Variants in ZNF607 observed in about 807,000 individuals in gnomAD.
The protein encoded by ZNF607 is zinc finger protein 607.
In ZNF607, 5 loss-of-function variants were observed where a neutral mutation model predicts 12.8. The observed-to-expected ratio is 0.39, with a 90% CI of 0.20 to 0.82. The LOEUF is 0.82. Ranked by LOEUF, ZNF607 falls within the 40% of genes least tolerant of loss-of-function variation. The pLI, the probability that ZNF607 is intolerant of heterozygous loss-of-function variation, is 0.39. For synonymous variants in ZNF607, 287 were observed against 276.2 expected, an observed-to-expected ratio of 1.04 and a Z score of -0.39; for missense variants, 851 against 859.2, an observed-to-expected ratio of 0.99 and a Z score of 0.12.
rs1259287245 is a variant in ZNF607 at position 37,699,330 on chromosome 19, G to T, written c.801C>A (p.Gly267=). The T allele has an allele frequency of 1.9e-6, 3 of 1,613,430 alleles. No homozygotes were observed. Among genetic ancestry groups the T allele is most frequent in the Non-Finnish European group, 2.5e-6 (3 of 1,179,920 alleles). ...KCGKSFRLKA[G]LKVHQSIHTG... is the part of the protein sequence containing the mutation. Reference sequence around the variant, plus strand: ...TATGAATACTCTGATGTACTTTAAGGCCTGCTTTGAGCCTAAAGGACTTCC... The same window carrying T: ...TATGAATACTCTGATGTACTTTAAGTCCTGCTTTGAGCCTAAAGGACTTCC... The change falls in exon 5 of 5, where the codon GGC becomes GGA. Residue 267 remains glycine, a synonymous_variant. Transcript: ENST00000355202.
intron 3 of ZNF607, 130 bp downstream of exon 3, chr19:37,709,566 T>C: frequency 9.4e-7 from 1 of 1,058,602 alleles, no homozygotes. Context: ...TGAAACCACC[T>C]CAATAGAAAT....
At chr19:37,711,490 T>G (rs1294608304) in intron 2 of ZNF607, 120 bp downstream of exon 2, 3 of 1,003,026 alleles carry the variant, frequency 3.0e-6, no homozygotes, top group Non-Finnish European at 4.7e-6. Flanking sequence ...GAATGAGAAC[T>G]GGAGATTAGG....
chr19:37,717,362 T>G (rs1327610402), intron 1 of ZNF607, among the ~76,000 whole-genome samples: 1 of 151,972 alleles, frequency 6.6e-6, no homozygotes, highest in Non-Finnish European at 1.5e-5. Context: ...ATTTTTTGTA[T>G]TTTTAGTAGA....
At chr19:37,718,777 C>T (rs944713598) in intron 1 of ZNF607, among the ~76,000 whole-genome samples, 2 of 152,206 alleles carry the variant, frequency 1.3e-5, no homozygotes, top group Non-Finnish European at 2.9e-5. Context: ...TAGTCAGAAT[C>T]TTCCTTAACC....
At chr19:37,714,095 C>T (rs977013434) in intron 1 of ZNF607, among the ~76,000 whole-genome samples, 11 of 151,734 alleles carry the variant, frequency 7.2e-5, no homozygotes, top group East Asian at 5.9e-4. Flanking sequence ...CCGAGGTGGG[C>T]GGATCACGAG....
In ZNF607 at chr19:37,698,199, G is replaced by A. The variant is rs755915094; in HGVS notation, c.1932C>T (p.Pro644=). The A allele has an allele frequency of 2.5e-6, 4 of 1,614,100 alleles. No homozygotes were observed. Among genetic ancestry groups the A allele is most frequent in the Non-Finnish European group, 3.4e-6 (4 of 1,180,026 alleles). ...CTTTCCCACACTCTTCACACATATA[G>A]GGATTTCCATCAGCATGAACGCTTT... ...RHESVHADGN[P]YMCEECGKAF... The change falls in exon 5 of 5, where the codon CCC becomes CCT. Residue 644 remains proline (P), a synonymous_variant. Transcript: ENST00000355202.
intron 1 of ZNF607, among the ~76,000 whole-genome samples, chr19:37,716,500 T>A (rs2045177575): frequency 6.6e-6 from 1 of 152,224 alleles, no homozygotes; most frequent in Admixed American, 6.5e-5. Flanking sequence ...CAGTCCAAAG[T>A]AATGGTGTCT....
At chr19:37,713,000 A>G (rs546823381) in intron 1 of ZNF607, among the ~76,000 whole-genome samples, 1 of 152,208 alleles carries the variant, frequency 6.6e-6, no homozygotes, top group African/African-American at 2.4e-5. Context: ...TCTTCTTAAC[A>G]GAAGGGTTTA....
At chr19:37,711,416 T>C (rs1416020370) in intron 2 of ZNF607, among the ~76,000 whole-genome samples, 194 bp downstream of exon 2, 3 of 152,238 alleles carry the variant, frequency 2.0e-5, no homozygotes, top group Admixed American at 1.3e-4. Flanking sequence ...ACATGAATGC[T>C]AGTGAATTTG....
intron 1 of ZNF607, among the ~76,000 whole-genome samples, chr19:37,715,132 T>A (rs957254256): frequency 6.6e-6 from 1 of 151,626 alleles, no homozygotes; most frequent in Non-Finnish European, 1.5e-5. Flanking sequence ...GGTCTAGAAC[T>A]CCTGACTTAG....
intron 1 of ZNF607, among the ~76,000 whole-genome samples, chr19:37,714,345 AG>A (rs1458805699): frequency 0.013 from 1,897 of 149,024 alleles, 44 homozygotes; most frequent in African/African-American, 0.046. Context: ...CAACAACAGC[AG>A]CAGCAGCAGC....
intron 4 of ZNF607, among the ~76,000 whole-genome samples, chr19:37,705,087 AAATC>A (rs1412164674): frequency 6.6e-6 from 1 of 152,168 alleles, no homozygotes; most frequent in East Asian, 1.9e-4. Flanking sequence ...AGAAAACTGA[AAATC>A]AATAGAGAAA....
chr19:37,718,717 C>A lies in ZNF607; in HGVS notation c.-75+552G>T, dbSNP rs569877649. Among the ~76,000 whole-genome samples the A allele has an allele frequency of 9.9e-4, 151 of 152,330 alleles. 2 individuals are homozygous for A. Among genetic ancestry groups the A allele is most frequent in the African/African-American group, 3.5e-3 (144 of 41,572 alleles). On this transcript the variant is annotated intron_variant, in intron 1 of 4. Coordinates refer to ENST00000355202, the MANE Select transcript of ZNF607 (RefSeq NM_032689.5). ...CCTTTCGCCTCCGTATCTTCATCCT[C>A]CACCGTCCCCCAGGTCTCTCTCTCC...
rs1270779955 is a variant in ZNF607 at position 37,696,455 on chromosome 19, A to G, written c.*1585T>C. ...ATTTTTTCATGTACTAACTCATGTA[A>G]TTCTTTGTTTTTTAGAGATCTGAAG... is the stretch of plus-strand genomic sequence containing the variant. On this transcript the variant is annotated 3_prime_UTR_variant, in exon 5 of 5. Transcript: ENST00000355202. 3.3e-6 allele frequency: 1 copy of G among 298,774 alleles called. No homozygotes were observed. Among genetic ancestry groups the G allele is most frequent in the Non-Finnish European group, 6.3e-6 (1 of 157,964 alleles). 18.5% of individuals were successfully genotyped at this position (298,774 alleles called of 1,614,324 possible). A position where few individuals can be genotyped will look rare whatever the true frequency, so the allele number is the denominator to read the frequency against.
At chr19:37,714,435 G>A (rs2045158699) in intron 1 of ZNF607, among the ~76,000 whole-genome samples, 1 of 151,398 alleles carries the variant, frequency 6.6e-6, no homozygotes, top group Non-Finnish European at 1.5e-5. Context: ...CATGGTGGCG[G>A]GTGCCTGTAA....
At position 37,698,248 on chromosome 19, in the gene ZNF607, C is replaced by T. The variant is rs1462502994; in HGVS notation, c.1883G>A (p.Cys628Tyr). 2 of 1,614,154 alleles carry T rather than the reference C, an allele frequency of 1.2e-6. No individual in the cohort carries two copies. Among genetic ancestry groups the T allele is most frequent in the Non-Finnish European group, 1.7e-6 (2 of 1,180,018 alleles). ...TTCATGTCTAACAAGATATGAGGCA[C>T]AGTGAAATGCCTTCCCACATCTTTT... ...ECKRCGKAFHCASYLVRHESV... is the reference protein window; with the variant it reads ...ECKRCGKAFHYASYLVRHESV... Residue 628 changes from cysteine to tyrosine, a missense_variant, in exon 5 of 5, where the codon TGT (cysteine) becomes TAT (tyrosine). Physicochemically the swap from Cys to Tyr is radical, Grantham distance 194 (BLOSUM62 -2). Transcript: ENST00000355202.
At chr19:37,707,704 C>T (rs1439783051) in intron 4 of ZNF607, among the ~76,000 whole-genome samples, 7 of 152,084 alleles carry the variant, frequency 4.6e-5, no homozygotes, top group Non-Finnish European at 1.0e-4. Flanking sequence ...CCTCCCAAAG[C>T]GCTGGGATTA....
intron 1 of ZNF607, among the ~76,000 whole-genome samples, chr19:37,718,650 C>G (rs2045198263): frequency 6.6e-6 from 1 of 152,236 alleles, no homozygotes; most frequent in Admixed American, 6.5e-5. Flanking sequence ...ACTGTAAAAT[C>G]TGGCTATAGC....
At chr19:37,703,334 A>AG (rs767556888) in intron 4 of ZNF607, among the ~76,000 whole-genome samples, 2 of 152,142 alleles carry the variant, frequency 1.3e-5, no homozygotes, top group Non-Finnish European at 2.9e-5. Flanking sequence ...AACTAAATAG[A>AG]GAAAAAAAGT....
Sources: allele counts gnomAD v4.1 joint callset (sites outside exome capture counted in the v4.1 genomes callset), GRCh38; gene constraint gnomAD v4.1.1; transcripts MANE v1.5; gene names NCBI Gene and HGNC (gene_info 2026-07-23, HGNC 2026-07-21).